The following STX8 variants were observed in gnomAD, a reference collection of about 807,000 sequenced individuals.
The protein encoded by STX8 is syntaxin-8.
In STX8, 23 loss-of-function variants were observed where a neutral mutation model predicts 37.5. That is an observed-to-expected ratio of 0.61 (90% confidence interval 0.44 to 0.87). The LOEUF (loss-of-function observed/expected upper bound fraction) is 0.87. Ranked by LOEUF, STX8 falls within the 40% of genes least tolerant of loss-of-function variation. The probability of loss-of-function intolerance (pLI) is 0.00; values close to 1 mark genes in which losing one functional copy is unlikely to be tolerated. For synonymous variants in STX8, 115 were observed against 99.1 expected (o/e 1.16, Z -0.95); for missense variants, 313 against 284.7 (o/e 1.10, Z -0.71).
intron 7 of STX8, among the ~76,000 whole-genome samples, chr17:9,372,183 T>C (rs1211354867): frequency 2.0e-5 from 3 of 152,194 alleles, no homozygotes; most frequent in Non-Finnish European, 4.4e-5. Flanking sequence ...TGTGGGCCTT[T>C]CTGTGACCAC....
chr17:9,299,061 G>C (rs1337317855), intron 7 of STX8, among the ~76,000 whole-genome samples: 1 of 152,114 alleles, frequency 6.6e-6, no homozygotes, highest in Non-Finnish European at 1.5e-5. Context: ...TTGATTCTCT[G>C]TTGGTAGAAG....
chr17:9,396,878 G>A (rs8082538), intron 6 of STX8, among the ~76,000 whole-genome samples: 86,784 of 151,996 alleles, frequency 0.57, 25,344 homozygotes, highest in East Asian at 0.77. Flanking sequence ...AATGCAGACT[G>A]TGATAAGGGC....
At chr17:9,477,504 A>G (rs17809138) in intron 6 of STX8, among the ~76,000 whole-genome samples, 16,767 of 152,300 alleles carry the variant, frequency 0.11, 1,051 homozygotes, top group Middle Eastern at 0.14. Flanking sequence ...GGAAAAAAAA[A>G]GCAATCATGA....
intron 6 of STX8, among the ~76,000 whole-genome samples, chr17:9,423,956 G>A (rs1290124786): frequency 6.6e-6 from 1 of 152,160 alleles, no homozygotes; most frequent in Non-Finnish European, 1.5e-5. Flanking sequence ...AGTTCAGTAT[G>A]GCAGTGACTT....
intron 7 of STX8, among the ~76,000 whole-genome samples, chr17:9,299,303 T>C (rs1366471195): frequency 6.6e-6 from 1 of 152,106 alleles, no homozygotes. Context: ...TCCCAATCTA[T>C]GCTATACAGA....
At chr17:9,544,567 G>A (rs775081300) in intron 4 of STX8, among the ~76,000 whole-genome samples, 1 of 151,878 alleles carries the variant, frequency 6.6e-6, no homozygotes, top group Non-Finnish European at 1.5e-5. Flanking sequence ...AGTTTAGAAG[G>A]CAGTTAACAA....
chr17:9,352,410 T>C (rs1332426317), intron 7 of STX8, among the ~76,000 whole-genome samples: 3 of 139,556 alleles, frequency 2.1e-5, no homozygotes, highest in South Asian at 2.1e-4. Flanking sequence ...AATTTTATCT[T>C]TTTTTTTTAA....
intron 4 of STX8, among the ~76,000 whole-genome samples, chr17:9,518,010 A>T (rs9892522): frequency 0.035 from 5,269 of 152,176 alleles, 348 homozygotes; most frequent in African/African-American, 0.12. Context: ...ATTCCGAGGT[A>T]GGTAGCTACA....
intron 6 of STX8, among the ~76,000 whole-genome samples, chr17:9,380,058 A>C (rs1362027999): frequency 2.6e-5 from 4 of 152,108 alleles, no homozygotes; most frequent in Non-Finnish European, 5.9e-5. Flanking sequence ...CACAACATTT[A>C]AAATAGCATA....
intron 6 of STX8, among the ~76,000 whole-genome samples, chr17:9,449,049 G>A (rs1904951429): frequency 6.6e-6 from 1 of 152,116 alleles, no homozygotes; most frequent in African/African-American, 2.4e-5. Context: ...CACCACTGAT[G>A]GAAATGCAAA....
intron 6 of STX8, among the ~76,000 whole-genome samples, chr17:9,452,970 T>C (rs1450892580): frequency 6.6e-6 from 1 of 152,044 alleles, no homozygotes; most frequent in Non-Finnish European, 1.5e-5. Flanking sequence ...CACGCCCAGC[T>C]AATTTTTGTA....
Position 9,326,376 on chromosome 17 carries a change from C to T in STX8, c.643+52176G>A, listed in dbSNP as rs1411583429. On this transcript the variant is annotated intron_variant, in intron 7 of 7. Coordinates refer to ENST00000306357, the MANE Select transcript of STX8 (RefSeq NM_004853.3). ...GGCTCAAGTGATCTGCTTGCCTCAG[C>T]CTCCCAAAGCGCCAGGATGACAGGT... Among the ~76,000 whole-genome samples the T allele has an allele frequency of 2.0e-5, 3 of 152,306 alleles. No individual in the cohort carries two copies. In the East Asian group the frequency reaches 5.8e-4, roughly 29 times the overall value.
chr17:9,355,668 C>A (rs970163442), intron 7 of STX8, among the ~76,000 whole-genome samples: 1 of 152,068 alleles, frequency 6.6e-6, no homozygotes, highest in Non-Finnish European at 1.5e-5. Flanking sequence ...CTCCACCACT[C>A]CTGGCTAATT....
chr17:9,531,858 A>T (rs892740452), intron 4 of STX8, among the ~76,000 whole-genome samples: 3 of 151,552 alleles, frequency 2.0e-5, no homozygotes, highest in Non-Finnish European at 1.5e-5. Flanking sequence ...CAGCCTTAAA[A>T]TTTTTTCATT....
At chr17:9,501,128 T>C (rs1904595060) in intron 5 of STX8, among the ~76,000 whole-genome samples, 1 of 152,172 alleles carries the variant, frequency 6.6e-6, no homozygotes, top group African/African-American at 2.4e-5. Context: ...AGTGTTAAAA[T>C]ATCAATTCTC....
intron 3 of STX8, among the ~76,000 whole-genome samples, chr17:9,545,849 G>A (rs1453819031): frequency 1.3e-5 from 2 of 152,200 alleles, no homozygotes; most frequent in Non-Finnish European, 2.9e-5. Context: ...CCAAAGTGCT[G>A]GAATTACAAG....
intron 3 of STX8, chr17:9,556,786 T>A (rs373486305): frequency 5.1e-5 from 1 of 19,756 alleles, no homozygotes; most frequent in Non-Finnish European, 1.0e-4. Flanking sequence ...TATATATATA[T>A]ATATATATAC....
intron 6 of STX8, among the ~76,000 whole-genome samples, chr17:9,418,722 G>A (rs183766140): frequency 1.6e-3 from 248 of 150,824 alleles, no homozygotes; most frequent in Non-Finnish European, 2.7e-3. Context: ...AGCTACTTGG[G>A]AGGCTGAGGC....
At chr17:9,564,917 A>G (rs1467617332) in intron 2 of STX8, among the ~76,000 whole-genome samples, 1 of 152,212 alleles carries the variant, frequency 6.6e-6, no homozygotes, top group Non-Finnish European at 1.5e-5. Context: ...AGCAAAAAGA[A>G]CAAAGCTGGG....
Sources: gnomAD v4.1 joint callset for allele counts (sites outside exome capture counted in the v4.1 genomes callset) on GRCh38, gnomAD v4.1.1 for gene constraint, MANE v1.5 for transcripts, NCBI Gene and HGNC (gene_info 2026-07-23, HGNC 2026-07-21) for gene names.